The following SH3GL1 variants were observed in gnomAD, a reference collection of about 807,000 sequenced individuals.
The protein encoded by SH3GL1 is endophilin-A2.
Under a neutral mutation model 48.8 loss-of-function variants are expected in SH3GL1, and 21 were observed. The ratio of observed to expected loss-of-function variants is 0.43; its 90% CI spans 0.30 to 0.62. SH3GL1 has a LOEUF of 0.62. Ranked by LOEUF, SH3GL1 falls within the 20% of genes least tolerant of loss-of-function variation. The pLI is 0.11. For synonymous variants in SH3GL1, 282 were observed against 217.5 expected, an observed-to-expected ratio of 1.30 and a Z score of -2.61; for missense variants, 454 against 503.0, an observed-to-expected ratio of 0.90 and a Z score of 0.93.
intron 1 of SH3GL1, among the ~76,000 whole-genome samples, chr19:4,387,763 A>C (rs947575634): frequency 1.1e-4 from 17 of 152,208 alleles, no homozygotes; most frequent in Admixed American, 6.5e-5. Context: ...GGCTCAAGGC[A>C]ACCTTCACCT....
intron 1 of SH3GL1, among the ~76,000 whole-genome samples, chr19:4,393,306 A>C (rs535777539): frequency 5.9e-5 from 9 of 151,774 alleles, no homozygotes; most frequent in South Asian, 2.1e-4. Flanking sequence ...ACAAAAAAAA[A>C]CACCATCATA....
In SH3GL1 at chr19:4,362,780, C is replaced by T. The variant is rs767545248; in HGVS notation, c.729-44G>A. 191 of 1,611,686 alleles carry T rather than the reference C, an allele frequency of 1.2e-4. 1 individual carries two copies. The highest frequency in any genetic ancestry group is 6.3e-4 in the South Asian group (57 of 91,086). On this transcript the variant is annotated intron_variant, in intron 7 of 9. Transcript: ENST00000269886. ...GAGTGGACCGAGCCCGTGTCACGGCCGAGGCAGCCCCACTCTTGTATTTAT... is the reference window on the plus strand; with the variant it reads ...GAGTGGACCGAGCCCGTGTCACGGCTGAGGCAGCCCCACTCTTGTATTTAT...
intron 1 of SH3GL1, among the ~76,000 whole-genome samples, chr19:4,383,470 G>C (rs1293203196): frequency 6.6e-6 from 1 of 151,976 alleles, no homozygotes; most frequent in Non-Finnish European, 1.5e-5. Context: ...CCAGGCTCAA[G>C]CCATCCTCCT....
rs117520004 is a variant in SH3GL1, at chr19:4,366,378, G to A, written c.187+123C>T. ...GCACCAAGGATGGCCTCTGCACTCC[G>A]GGATCCAGCTGTGCCTGAAGCCCAC... On this transcript the variant is annotated intron_variant, in intron 3 of 9. Transcript: ENST00000269886. 214 of 746,002 alleles carry A rather than the reference G, an allele frequency of 2.9e-4. 1 individual carries two copies. The East Asian group carries it at 5.4e-3, about 19-fold the overall frequency. 46.2% of individuals were successfully genotyped at this position (746,002 alleles called of 1,614,324 possible).
intron 1 of SH3GL1, among the ~76,000 whole-genome samples, chr19:4,397,351 T>G (rs1231840081): frequency 6.6e-6 from 1 of 152,176 alleles, no homozygotes; most frequent in Non-Finnish European, 1.5e-5. Flanking sequence ...AACACCACAC[T>G]GTCCTTTCCA....
chr19:4,383,746 A>G (rs1311693257), intron 1 of SH3GL1, among the ~76,000 whole-genome samples: 2 of 152,188 alleles, frequency 1.3e-5, no homozygotes, highest in Admixed American at 1.3e-4. Context: ...AATCCCAAAA[A>G]TGTGAGAAAC....
At chr19:4,394,126 CAAA>C (rs34866100) in intron 1 of SH3GL1, among the ~76,000 whole-genome samples, 110 of 89,692 alleles carry the variant, frequency 1.2e-3, no homozygotes, top group Non-Finnish European at 1.4e-3. Flanking sequence ...TCCTTTCAGG[CAAA>C]AAAAAAAAAA....
At chr19:4,369,971 C>T (rs1327072239) in intron 1 of SH3GL1, among the ~76,000 whole-genome samples, 1 of 152,264 alleles carries the variant, frequency 6.6e-6, no homozygotes, top group South Asian at 2.1e-4. Context: ...CAGCGCCGGC[C>T]GCAAGCGCGG....
At chr19:4,397,274 G>C (rs1973442838) in intron 1 of SH3GL1, among the ~76,000 whole-genome samples, 2 of 152,192 alleles carry the variant, frequency 1.3e-5, no homozygotes, top group African/African-American at 4.8e-5. Flanking sequence ...CCCCGAGGGT[G>C]GGCTGTGGCC....
chr19:4,374,835 G>T (rs1446996328), intron 1 of SH3GL1, among the ~76,000 whole-genome samples: 1 of 152,136 alleles, frequency 6.6e-6, no homozygotes, highest in South Asian at 2.1e-4. Context: ...ACATGGGTGT[G>T]GGGGAGGCTG....
rs373324973 is a variant in SH3GL1, at chr19:4,364,866, T to TTGTGTGTGTGTGTGTGTGTG, written c.331+596_331+615dup. On this transcript the variant is annotated intron_variant, in intron 4 of 9. Coordinates refer to ENST00000269886, the MANE Select transcript of SH3GL1 (RefSeq NM_003025.4). ...GGCATGCACTACCACACCCGGCTAA[T>TTGTGTGTGTGTGTGTGTGTG]TGTGTGTGTGTGTGTGTGTGTGTGT... 7.0e-3 allele frequency among the ~76,000 whole-genome samples: 682 copies of TTGTGTGTGTGTGTGTGTGTG among 96,986 alleles called. 8 individuals are homozygous for TTGTGTGTGTGTGTGTGTGTG. Among genetic ancestry groups the TTGTGTGTGTGTGTGTGTGTG allele is most frequent in the Middle Eastern group, 0.012 (2 of 162 alleles). 63.6% of individuals were successfully genotyped at this position (96,986 alleles called of 152,430 possible). A position where few individuals can be genotyped will look rare whatever the true frequency, so the allele number is the denominator to read the frequency against.
chr19:4,392,577 C>A (rs1973358289), intron 1 of SH3GL1, among the ~76,000 whole-genome samples: 1 of 149,020 alleles, frequency 6.7e-6, no homozygotes, highest in Non-Finnish European at 1.5e-5. Flanking sequence ...CACAAAAGAT[C>A]ATTCCATGTT....
intron 1 of SH3GL1, among the ~76,000 whole-genome samples, chr19:4,370,094 G>A (rs1026448314): frequency 3.3e-5 from 5 of 152,244 alleles, no homozygotes; most frequent in African/African-American, 1.2e-4. Context: ...GGCGCCACGG[G>A]GAGGCTCACC....
intron 8 of SH3GL1, 44 bp downstream of exon 8, chr19:4,362,568 C>T: frequency 6.2e-7 from 1 of 1,611,472 alleles, no homozygotes; most frequent in Non-Finnish European, 8.5e-7. Context: ...GCCACTCCCA[C>T]CCGCTGGCAT....
rs762971820 is a variant in SH3GL1 at position 4,364,186 on chromosome 19, G to A, written c.367C>T (p.Arg123Cys). Residue 123 changes from arginine to cysteine, a missense_variant, in exon 5 of 10, where the codon CGC (arginine) becomes TGC (cysteine). Around this residue, in one of 2 missense-constraint regions of SH3GL1, gnomAD observed 176 missense variants for 256.2 expected, o/e 0.69. Transcript: ENST00000269886. ...AGGGAGTCCTTCACCTCTGCCAGGCGCTTCATGGACTCGCCGGCATCCAGC... is the reference window on the plus strand; with the variant it reads ...AGGGAGTCCTTCACCTCTGCCAGGCACTTCATGGACTCGCCGGCATCCAGC... ...ALLDAGESMK[R>C]LAEVKDSLDI... 5.0e-6 allele frequency: 8 copies of A among 1,613,788 alleles called. No individual in the cohort carries two copies. The highest frequency in any genetic ancestry group is 2.2e-5 in the East Asian group (1 of 44,902).
rs569662877 is a variant in SH3GL1 at position 4,362,748 on chromosome 19, G to C, written c.729-12C>G. 2 of 1,613,724 alleles carry C rather than the reference G, an allele frequency of 1.2e-6. No individual in the cohort carries two copies. Among genetic ancestry groups the C allele is most frequent in the East Asian group, 2.2e-5 (1 of 44,890 alleles). ...AAGCTTCCCGCATCCTGTGAAGGGA[G>C]AGGCGTGAGTGGACCGAGCCCGTGT... On this transcript the variant is annotated splice_polypyrimidine_tract_variant and intron_variant, in intron 7 of 9. Transcript: ENST00000269886.
rs767470473 is a variant in SH3GL1 at position 4,361,808 on chromosome 19, A to G, written c.911-12T>C. ...CTGGTCCAGGGGCGCTGGGGGCGGG[A>G]GCGGGCTGTGGGGCTGGGGCTGCTA... On this transcript the variant is annotated splice_polypyrimidine_tract_variant and intron_variant, in intron 9 of 9. Coordinates refer to ENST00000269886, the MANE Select transcript of SH3GL1 (RefSeq NM_003025.4). 3.6e-5 allele frequency: 58 copies of G among 1,595,776 alleles called. No individual in the cohort carries two copies. The highest frequency in any genetic ancestry group is 4.7e-5 in the Non-Finnish European group (55 of 1,173,034).
rs375837606 is a variant in SH3GL1, at chr19:4,373,323, G to C, written c.46-6329C>G. Among the ~76,000 whole-genome samples the C allele has an allele frequency of 6.6e-5, 10 of 152,358 alleles. No homozygotes were observed. The East Asian group carries it at 9.7e-4, about 15-fold the overall frequency. On this transcript the variant is annotated intron_variant, in intron 1 of 9. Coordinates refer to ENST00000269886, the MANE Select transcript of SH3GL1 (RefSeq NM_003025.4). Reference sequence around the variant, plus strand: ...ATGCACGGAGGGAAGGGTCCCGACAGCCGGGGCTCCCCTCAGCATCTGGGA... The same window carrying C: ...ATGCACGGAGGGAAGGGTCCCGACACCCGGGGCTCCCCTCAGCATCTGGGA...
chr19:4,363,986 C>A, intron 5 of SH3GL1, 102 bp downstream of exon 5: 1 of 1,603,384 alleles, frequency 6.2e-7, no homozygotes, highest in Non-Finnish European at 8.5e-7. Context: ...CTGCCTGAGA[C>A]CCAGAGGGCA....
Sources: allele counts gnomAD v4.1 joint callset (sites outside exome capture counted in the v4.1 genomes callset), GRCh38; gene constraint gnomAD v4.1.1; regional missense constraint gnomAD v4.1.1; transcripts MANE v1.5; gene names NCBI Gene and HGNC (gene_info 2026-07-23, HGNC 2026-07-21).